Variants in NCOR1 observed in about 807,000 individuals in gnomAD.
NCOR1 encodes nuclear receptor corepressor 1.
In NCOR1, 63 loss-of-function variants were observed where a neutral mutation model predicts 288.1. That is an observed-to-expected ratio of 0.22 (90% CI 0.18 to 0.27). The LOEUF (loss-of-function observed/expected upper bound fraction) is 0.27. Ranked by LOEUF, NCOR1 falls within the 10% of genes least tolerant of loss-of-function variation. The pLI, the probability that NCOR1 is intolerant of heterozygous loss-of-function variation, is 1.00. For missense variants in NCOR1, 2,397 were observed against 3,019.2 expected (o/e 0.79, Z 4.83); for synonymous variants, 1,007 against 1,065.9 (o/e 0.94, Z 1.08).
chr17:16,191,455 C>A (rs1473408020), intron 2 of NCOR1, among the ~76,000 whole-genome samples: 1 of 152,064 alleles, frequency 6.6e-6, no homozygotes, highest in Non-Finnish European at 1.5e-5. Context: ...ATGAAACTCA[C>A]AATGTTCATA....
chr17:16,128,498 A>T (rs2075100879), intron 14 of NCOR1, among the ~76,000 whole-genome samples: 1 of 152,178 alleles, frequency 6.6e-6, no homozygotes, highest in South Asian at 2.1e-4. Flanking sequence ...TTACTTCTCT[A>T]AGCATCCCCA....
chr17:16,128,421 A>C (rs1251790915), intron 14 of NCOR1, among the ~76,000 whole-genome samples: 2 of 152,212 alleles, frequency 1.3e-5, no homozygotes, highest in East Asian at 3.8e-4. Context: ...TAGGTGGCTT[A>C]GTGCCTGCTT....
At chr17:16,121,013 CA>C in intron 16 of NCOR1, 38 bp downstream of exon 16, 1 of 1,569,688 alleles carries the variant, frequency 6.4e-7, no homozygotes. Flanking sequence ...GAATCCCGAA[CA>C]AAATTATGGC....
At chr17:16,054,139 T>C (rs184893383) in intron 40 of NCOR1, among the ~76,000 whole-genome samples, 59 of 137,610 alleles carry the variant, frequency 4.3e-4, no homozygotes, top group Admixed American at 5.9e-4. Flanking sequence ...TTTCAGGACA[T>C]AGGCAGGGAC....
At chr17:16,106,417 CT>C (rs200041985) in intron 19 of NCOR1, among the ~76,000 whole-genome samples, 3 of 142,708 alleles carry the variant, frequency 2.1e-5, no homozygotes, top group Non-Finnish European at 4.7e-5. Context: ...ACATGAGTAT[CT>C]TTTTTTTTCC....
At position 16,057,756 on chromosome 17, in the gene NCOR1, G is replaced by A. The variant is rs779135019; in HGVS notation, c.6169-19C>T. On this transcript the variant is annotated intron_variant, in intron 39 of 45. Coordinates refer to ENST00000268712, the MANE Select transcript of NCOR1 (RefSeq NM_006311.4). ...TAATTTGCTGTGAATGAGAAATGAA[G>A]GAAGTGGTAAAATTCATTGAGTACT... is the stretch of plus-strand genomic sequence containing the variant. 1 of 1,608,086 alleles carries A rather than the reference G, an allele frequency of 6.2e-7. No homozygotes were observed.
rs182489229 is a variant in NCOR1, at chr17:16,191,566, A to G, written c.108+2896T>C. Among the ~76,000 whole-genome samples, 699 of 151,686 alleles carry G rather than the reference A, an allele frequency of 4.6e-3. 6 individuals carry two copies. Among genetic ancestry groups the G allele is most frequent in the African/African-American group, 0.016 (660 of 41,370 alleles). ...AGAAAGGATCACTGACTATGATACC[A>G]TAGCAAAATGAAGCTAATGGATTTA... On this transcript the variant is annotated intron_variant, in intron 2 of 45. Coordinates refer to ENST00000268712, the MANE Select transcript of NCOR1 (RefSeq NM_006311.4).
chr17:16,108,179 CAA>C (rs35417050), intron 19 of NCOR1: 7,811 of 146,488 alleles, frequency 0.053, 144 homozygotes, highest in African/African-American at 0.092. Flanking sequence ...AAGCAATTTC[CAA>C]AAAAAAAAAA....
At chr17:16,062,613 C>T (rs1464826437) in intron 35 of NCOR1, among the ~76,000 whole-genome samples, 2 of 152,186 alleles carry the variant, frequency 1.3e-5, no homozygotes, top group African/African-American at 4.8e-5. Context: ...TCTGATTTTT[C>T]CTCAAACTCT....
At chr17:16,108,559 T>C (rs1322170859) in intron 19 of NCOR1, among the ~76,000 whole-genome samples, 1 of 152,190 alleles carries the variant, frequency 6.6e-6, no homozygotes, top group Non-Finnish European at 1.5e-5. Context: ...GCACTTGATG[T>C]CTGAAGCAGG....
At chr17:16,160,562 C>T (rs957446748) in intron 5 of NCOR1, among the ~76,000 whole-genome samples, 4 of 152,140 alleles carry the variant, frequency 2.6e-5, no homozygotes, top group South Asian at 2.1e-4. Context: ...GAGGCCAAGA[C>T]GGTAGATCAC....
intron 44 of NCOR1, among the ~76,000 whole-genome samples, chr17:16,035,552 T>A (rs988801000): frequency 6.8e-6 from 1 of 147,098 alleles, no homozygotes; most frequent in Admixed American, 6.7e-5. Flanking sequence ...TTTTTTTTTT[T>A]AAGGCAGGGT....
In NCOR1 at chr17:16,031,059, TTCTTAATGAAAGATAAAACTG is replaced by T; in HGVS notation, c.*1216_*1236del. The T allele has an allele frequency of 5.2e-6, 1 of 193,478 alleles. No individual in the cohort carries two copies. Among genetic ancestry groups the T allele is most frequent in the East Asian group, 8.1e-5 (1 of 12,302 alleles). 12.0% of individuals were successfully genotyped at this position (193,478 alleles called of 1,614,324 possible). On this transcript the variant is annotated 3_prime_UTR_variant, in exon 46 of 46. Coordinates refer to ENST00000268712, the MANE Select transcript of NCOR1 (RefSeq NM_006311.4). ...AAAAACTTTAAAATTCAGCAAGCAA[TTCTTAATGAAAGATAAAACTG>T]GCCCTCTAGTACCATAATTAGTTTA...
intron 35 of NCOR1, among the ~76,000 whole-genome samples, chr17:16,063,806 A>T (rs767278399): frequency 6.6e-6 from 1 of 152,176 alleles, no homozygotes; most frequent in Non-Finnish European, 1.5e-5. Context: ...TCTGTGACCA[A>T]TATCTTCAGG....
intron 11 of NCOR1, among the ~76,000 whole-genome samples, chr17:16,141,961 T>C (rs1254042015): frequency 6.6e-6 from 1 of 152,172 alleles, no homozygotes; most frequent in East Asian, 1.9e-4. Flanking sequence ...AGCCATTAAT[T>C]ATAGCCTCCA....
At chr17:16,171,509 T>G (rs930646724) in intron 4 of NCOR1, among the ~76,000 whole-genome samples, 5 of 152,208 alleles carry the variant, frequency 3.3e-5, no homozygotes, top group Non-Finnish European at 5.9e-5. Context: ...GACCACATTT[T>G]ATAGCCAGCA....
chr17:16,090,013 G>A (rs12947205), intron 22 of NCOR1, among the ~76,000 whole-genome samples: 70,078 of 151,882 alleles, frequency 0.46, 17,038 homozygotes, highest in Middle Eastern at 0.59. Flanking sequence ...TAAGATGACT[G>A]AATTATGATT....
At position 16,067,983 on chromosome 17, in the gene NCOR1, T is replaced by G; in HGVS notation, c.4652A>C (p.His1551Pro). 6.2e-7 allele frequency: 1 copy of G among 1,614,222 alleles called. No homozygotes were observed. The highest frequency in any genetic ancestry group is 1.7e-5 in the Admixed American group (1 of 60,022). ...AACCTCGCCTGCAGTGCTGCCTCTG[T>G]GATGGGGATCAAACGGACTGTGGCT... ...VVSHSPFDPH[H>P]RGSTAGEVYR... Residue 1551 changes from histidine to proline, a missense_variant, in exon 32 of 46, where the codon CAC becomes CCC. By Grantham distance (77) the His-to-Pro change is moderately conservative. Coordinates refer to ENST00000268712, the MANE Select transcript of NCOR1 (RefSeq NM_006311.4).
chr17:16,067,786 C>T (rs1470365083), intron 32 of NCOR1, 108 bp downstream of exon 32: 4 of 1,090,168 alleles, frequency 3.7e-6, no homozygotes, highest in Non-Finnish European at 5.1e-6. Flanking sequence ...CTGAGCTGTA[C>T]ATTAATGATA....
Sources: gnomAD v4.1 joint callset for allele counts (sites outside exome capture counted in the v4.1 genomes callset) on GRCh38, gnomAD v4.1.1 for gene constraint, MANE v1.5 for transcripts, NCBI Gene and HGNC (gene_info 2026-07-23, HGNC 2026-07-21) for gene names.